The following GRID2 variants were observed in gnomAD, a reference collection of about 807,000 sequenced individuals.
The protein encoded by GRID2 is glutamate receptor ionotropic, delta-2.
Under a neutral mutation model 114.8 loss-of-function variants are expected in GRID2, and 33 were observed. The observed-to-expected ratio is 0.29, with a 90% CI of 0.22 to 0.38. The LOEUF (loss-of-function observed/expected upper bound fraction) is 0.38. Ranked by LOEUF, GRID2 falls within the 10% of genes least tolerant of loss-of-function variation. The pLI, the probability that GRID2 is intolerant of heterozygous loss-of-function variation, is 1.00. For synonymous variants in GRID2, 505 were observed against 449.9 expected (o/e 1.12, Z -1.55); for missense variants, 1,184 against 1,257.7 (o/e 0.94, Z 0.89).
At chr4:93,151,026 G>A (rs1736684974) in intron 4 of GRID2, among the ~76,000 whole-genome samples, 1 of 150,932 alleles carries the variant, frequency 6.6e-6, no homozygotes, top group South Asian at 2.1e-4. Flanking sequence ...CTACTTGGGA[G>A]GCTGAGGCGG....
intron 11 of GRID2, among the ~76,000 whole-genome samples, chr4:93,477,329 C>T (rs1725413558): frequency 6.6e-6 from 1 of 152,104 alleles, no homozygotes; most frequent in African/African-American, 2.4e-5. Flanking sequence ...ATCACAATGA[C>T]AGTTAAATTT....
At chr4:93,427,190 T>C (rs930469274) in intron 10 of GRID2, among the ~76,000 whole-genome samples, 1 of 152,000 alleles carries the variant, frequency 6.6e-6, no homozygotes, top group Non-Finnish European at 1.5e-5. Flanking sequence ...AATGATACTT[T>C]AATAAAATAC....
intron 14 of GRID2, among the ~76,000 whole-genome samples, chr4:93,654,687 A>G (rs937955310): frequency 1.1e-4 from 17 of 152,330 alleles, no homozygotes; most frequent in African/African-American, 4.1e-4. Context: ...AACAAAATGT[A>G]GGATTACAAA....
chr4:92,827,970 A>G (rs1392871814), intron 2 of GRID2, among the ~76,000 whole-genome samples: 13 of 152,066 alleles, frequency 8.5e-5, no homozygotes, highest in Non-Finnish European at 1.9e-4. Context: ...ATGTCAAAAT[A>G]TATCTCCACA....
intron 1 of GRID2, among the ~76,000 whole-genome samples, chr4:92,325,486 T>C (rs1181284341): frequency 6.6e-6 from 1 of 151,900 alleles, no homozygotes; most frequent in Non-Finnish European, 1.5e-5. Context: ...CAGTCTGTTT[T>C]GTGCACATTT....
rs752627509 is a variant in GRID2 at position 92,590,196 on chromosome 4, A to T, written c.154A>T (p.Asn52Tyr). The T allele has an allele frequency of 1.9e-6, 3 of 1,611,916 alleles. No individual in the cohort carries two copies. The highest frequency in any genetic ancestry group is 2.5e-6 in the Non-Finnish European group (3 of 1,178,026). ...ATTTCGCACTGCGGTTGGTGACCTT[A>T]ACCAGAATGAGGAGATCTTACAGAC... ...EVFRTAVGDL[N>Y]QNEEILQTEK... The change falls in exon 2 of 16, where the codon AAC becomes TAC. Residue 52 changes from asparagine (N) to tyrosine (Y), a missense_variant. Physicochemically the swap from Asn to Tyr is moderately radical, Grantham distance 143 (BLOSUM62 -2). Around this residue, in one of 3 missense-constraint regions of GRID2, gnomAD observed 455 missense variants for 429.5 expected, o/e 1.06. Coordinates refer to ENST00000282020, the MANE Select transcript of GRID2 (RefSeq NM_001510.4).
intron 1 of GRID2, among the ~76,000 whole-genome samples, chr4:92,577,291 G>A (rs1424871144): frequency 6.6e-6 from 1 of 152,146 alleles, no homozygotes; most frequent in East Asian, 1.9e-4. Context: ...GTATACAGGG[G>A]ATGTCAGGGA....
chr4:93,430,427 C>T (rs7695982), intron 10 of GRID2, among the ~76,000 whole-genome samples: 13,802 of 152,190 alleles, frequency 0.091, 1,617 homozygotes, highest in African/African-American at 0.27. Context: ...GTGATCTGCC[C>T]GCCTCAGCAT....
At chr4:92,466,957 G>C (rs1329109793) in intron 1 of GRID2, among the ~76,000 whole-genome samples, 1 of 151,660 alleles carries the variant, frequency 6.6e-6, no homozygotes, top group Admixed American at 6.6e-5. Flanking sequence ...AATTAACGGT[G>C]TAGAGAGACT....
At chr4:93,000,256 A>G (rs977011265) in intron 2 of GRID2, among the ~76,000 whole-genome samples, 9 of 151,736 alleles carry the variant, frequency 5.9e-5, no homozygotes, top group African/African-American at 2.2e-4. Context: ...TTGTTTTGTC[A>G]TCAAAGACAC....
intron 14 of GRID2, among the ~76,000 whole-genome samples, chr4:93,750,496 G>A (rs182795238): frequency 4.8e-4 from 73 of 151,328 alleles, no homozygotes; most frequent in Non-Finnish European, 8.1e-4. Context: ...TTGGCCAGGC[G>A]CGGTGGCTCA....
chr4:92,837,386 C>T (rs917023029), intron 2 of GRID2, among the ~76,000 whole-genome samples: 12 of 151,418 alleles, frequency 7.9e-5, no homozygotes, highest in African/African-American at 2.7e-4. Context: ...CTATTGGGTC[C>T]GTTTCAACAC....
intron 14 of GRID2, among the ~76,000 whole-genome samples, chr4:93,734,279 AC>A (rs1232388935): frequency 6.6e-6 from 1 of 151,236 alleles, no homozygotes; most frequent in East Asian, 1.9e-4. Flanking sequence ...CCTAATTCTC[AC>A]TCTCTCCTTT....
intron 3 of GRID2, among the ~76,000 whole-genome samples, chr4:93,110,457 C>T (rs1048984464): frequency 2.0e-5 from 3 of 152,096 alleles, no homozygotes; most frequent in Admixed American, 6.6e-5. Flanking sequence ...GGCATCTCTC[C>T]AACCATCTCC....
chr4:92,484,603 A>G (rs1315996781), intron 1 of GRID2, among the ~76,000 whole-genome samples: 1 of 152,050 alleles, frequency 6.6e-6, no homozygotes, highest in African/African-American at 2.4e-5. Context: ...ATAATATTTT[A>G]TATAATACTT....
intron 2 of GRID2, among the ~76,000 whole-genome samples, chr4:92,874,472 T>C (rs1238022206): frequency 2.0e-5 from 3 of 152,150 alleles, no homozygotes; most frequent in Non-Finnish European, 4.4e-5. Flanking sequence ...ATCTAATTAA[T>C]AGTGATAAGC....
At chr4:93,560,240 A>AAAAAAAAAAAAAAAAAAAAC in intron 13 of GRID2, among the ~76,000 whole-genome samples, 1 of 149,892 alleles carries the variant, frequency 6.7e-6, no homozygotes, top group Non-Finnish European at 1.5e-5. Context: ...AAAAAAAAAA[A>AAAAAAAAAAAAAAAAAAAAC]AAAAAAAAAA....
chr4:92,631,658 G>T (rs1730814736), intron 2 of GRID2, among the ~76,000 whole-genome samples: 1 of 151,890 alleles, frequency 6.6e-6, no homozygotes. Flanking sequence ...TTTAACTTGG[G>T]TTGCAGCTGA....
intron 1 of GRID2, among the ~76,000 whole-genome samples, chr4:92,324,169 A>T (rs1308267526): frequency 6.6e-6 from 1 of 152,066 alleles, no homozygotes; most frequent in East Asian, 1.9e-4. Flanking sequence ...TGCAGTGAAT[A>T]TATCATCCTC....
Sources: allele counts gnomAD v4.1 joint callset (sites outside exome capture counted in the v4.1 genomes callset), GRCh38; gene constraint gnomAD v4.1.1; regional missense constraint gnomAD v4.1.1; transcripts MANE v1.5; gene names NCBI Gene and HGNC (gene_info 2026-07-23, HGNC 2026-07-21).